CARTPT: variants seen among roughly 807,000 people sequenced by gnomAD.
CARTPT encodes the protein cocaine- and amphetamine-regulated transcript protein.
Under a neutral mutation model 12.2 loss-of-function variants are expected in CARTPT, and 6 were observed. The observed-to-expected ratio is 0.49, with a 90% CI of 0.27 to 0.97. The LOEUF is 0.97. CARTPT is among the 50% of genes least tolerant of loss of function. The probability of loss-of-function intolerance (pLI) is 0.12; values close to 1 mark genes in which losing one functional copy is unlikely to be tolerated. For synonymous variants in CARTPT, 75 were observed against 64.1 expected (o/e 1.17, Z -0.82); for missense variants, 135 against 142.0 (o/e 0.95, Z 0.25).
intron 2 of CARTPT, 131 bp from the exon 3 acceptor site, chr5:71,720,377 G>A (rs952326608): frequency 1.2e-4 from 90 of 767,534 alleles, no homozygotes; most frequent in Non-Finnish European, 1.9e-4. Flanking sequence ...CTGACTGTAC[G>A]TAGACCTCTT....
In CARTPT at chr5:71,720,750, C is replaced by A. The variant is rs1748692941; in HGVS notation, c.*135C>A. ...CTGAAGGGAAAGGGCTCTTTTCCTGCTGTTTCAAAAATAAAAGAACACATT... is the reference window on the plus strand; with the variant it reads ...CTGAAGGGAAAGGGCTCTTTTCCTGATGTTTCAAAAATAAAAGAACACATT... On this transcript the variant is annotated 3_prime_UTR_variant, in exon 3 of 3. Coordinates refer to ENST00000296777, the MANE Select transcript of CARTPT (RefSeq NM_004291.4). 2 of 731,204 alleles carry A rather than the reference C, an allele frequency of 2.7e-6. No homozygotes were observed. Among genetic ancestry groups the A allele is most frequent in the Non-Finnish European group, 4.9e-6 (2 of 408,760 alleles). The allele number at this position is 731,204 out of a possible 1,614,324, so 45.3% of individuals were successfully genotyped here.
rs770450979 is a variant in CARTPT at position 71,719,980 on chromosome 5, C to T, written c.243+17C>T. 2 of 1,605,516 alleles carry T rather than the reference C, an allele frequency of 1.2e-6. No homozygotes were observed. Among genetic ancestry groups the T allele is most frequent in the African/African-American group, 1.3e-5 (1 of 74,784 alleles). On this transcript the variant is annotated intron_variant, in intron 2 of 2. Transcript: ENST00000296777. ...GTCCCCATGGTAAGGTTTGTGGTCACTCCCTTCCCGTGTTTTTCCAAGAGA... is the reference window on the plus strand; with the variant it reads ...GTCCCCATGGTAAGGTTTGTGGTCATTCCCTTCCCGTGTTTTTCCAAGAGA...
In CARTPT at chr5:71,720,795, A is replaced by G. The variant is rs888025580; in HGVS notation, c.*180A>G. 25 of 640,614 alleles carry G rather than the reference A, an allele frequency of 3.9e-5. No homozygotes were observed. Among genetic ancestry groups the G allele is most frequent in the Middle Eastern group, 2.8e-4 (1 of 3,560 alleles). The allele number at this position is 640,614 out of a possible 1,614,324, so 39.7% of individuals were successfully genotyped here. A position where few individuals can be genotyped will look rare whatever the true frequency, so the allele number is the denominator to read the frequency against. ...CACATTAGATGTTACTGTGTGAAGAATAATGCCTTGTATGGTGTTGATACG... is the reference window on the plus strand; with the variant it reads ...CACATTAGATGTTACTGTGTGAAGAGTAATGCCTTGTATGGTGTTGATACG... On this transcript the variant is annotated 3_prime_UTR_variant, in exon 3 of 3. Transcript: ENST00000296777.
chr5:71,719,822 C>T, intron 1 of CARTPT, 58 bp from the exon 2 acceptor site: 1 of 1,545,538 alleles, frequency 6.5e-7, no homozygotes, highest in African/African-American at 1.4e-5. Flanking sequence ...GAAGTGCGCA[C>T]CTGGGCTGGG....
chr5:71,719,811 G>A, intron 1 of CARTPT, 69 bp from the exon 2 acceptor site: 1 of 1,439,878 alleles, frequency 6.9e-7, no homozygotes, highest in East Asian at 2.3e-5. Context: ...AACTAGGGCT[G>A]GAAGTGCGCA....
chr5:71,720,459 G>A, intron 2 of CARTPT, 49 bp from the exon 3 acceptor site: 1 of 1,536,310 alleles, frequency 6.5e-7, no homozygotes, highest in Non-Finnish European at 8.9e-7. Context: ...TTGCCTGTTG[G>A]GAACCTGGGT....
chr5:71,720,480 T>C, intron 2 of CARTPT, 28 bp from the exon 3 acceptor site: 1 of 1,590,212 alleles, frequency 6.3e-7, no homozygotes, highest in South Asian at 1.1e-5. Context: ...TTGTTCATAC[T>C]CGATGACCAC....
rs1310089775 is a variant in CARTPT at position 71,719,922 on chromosome 5, C to G, written c.202C>G (p.Arg68Gly). 13 of 1,614,080 alleles carry G rather than the reference C, an allele frequency of 8.1e-6. No homozygotes were observed. The highest frequency in any genetic ancestry group is 1.3e-5 in the African/African-American group (1 of 74,930). ...QEVLKKLKSK[R>G]VPIYEKKYGQ... is the part of the protein sequence containing the mutation. ...AGTCTTGAAGAAGCTCAAGAGTAAA[C>G]GTGTTCCCATCTATGAGAAGAAGTA... The change falls in exon 2 of 3, where the codon CGT becomes GGT. Residue 68 changes from arginine to glycine, a missense_variant. By Grantham distance (125) the Arg-to-Gly change is moderately radical (BLOSUM62 -2). Coordinates refer to ENST00000296777, the MANE Select transcript of CARTPT (RefSeq NM_004291.4).
At chr5:71,720,036 C>G (rs972322934) in intron 2 of CARTPT, 73 bp downstream of exon 2, 70 of 1,307,616 alleles carry the variant, frequency 5.4e-5, no homozygotes, top group Non-Finnish European at 6.8e-5. Flanking sequence ...TACACACAGT[C>G]TTCTCCGTAG....
At position 71,719,361 on chromosome 5, in the gene CARTPT, T is replaced by C; in HGVS notation, c.68T>C (p.Leu23Ser). The C allele has an allele frequency of 1.2e-6, 2 of 1,614,068 alleles. No homozygotes were observed. Among genetic ancestry groups the C allele is most frequent in the Non-Finnish European group, 8.5e-7 (1 of 1,180,012 alleles). ...GCCCTGCTGCTGATGCTACCTCTGT[T>C]GGGTACCCGTGCCCAGGAGGACGCC... ...GAALLLMLPL[L>S]GTRAQEDAEL... Residue 23 changes from leucine (L) to serine (S), a missense_variant, in exon 1 of 3, where the codon TTG becomes TCG. Coordinates refer to ENST00000296777, the MANE Select transcript of CARTPT (RefSeq NM_004291.4).
At position 71,719,851 on chromosome 5, in the gene CARTPT, A is replaced by G. The variant is rs376467588; in HGVS notation, c.160-29A>G. On this transcript the variant is annotated intron_variant, in intron 1 of 2. Coordinates refer to ENST00000296777, the MANE Select transcript of CARTPT (RefSeq NM_004291.4). Reference sequence around the variant, plus strand: ...GGCTGGGCTCGCAGCCAAGGCGGCAACTTCAGGCTCCGAAGCGGTGTGTTG... The same window carrying G: ...GGCTGGGCTCGCAGCCAAGGCGGCAGCTTCAGGCTCCGAAGCGGTGTGTTG... The G allele has an allele frequency of 4.9e-5, 79 of 1,612,350 alleles. No individual in the cohort carries two copies. In the African/African-American group the frequency reaches 8.1e-4, roughly 17 times the overall value.
Position 71,719,315 on chromosome 5 carries a change from C to T in CARTPT, c.22C>T (p.Leu8=), listed in dbSNP as rs1748654034. Residue 8 remains leucine (L), a synonymous_variant, in exon 1 of 3, where the codon CTG becomes TTG. Coordinates refer to ENST00000296777, the MANE Select transcript of CARTPT (RefSeq NM_004291.4). ...AACGATGGAGAGCTCCCGCGTGAGG[C>T]TGCTGCCCCTCCTGGGCGCCGCCCT... is the stretch of plus-strand genomic sequence containing the variant. MESSRVR[L]LPLLGAALLL... is the part of the protein sequence containing the mutation. The T allele has an allele frequency of 1.2e-6, 2 of 1,612,966 alleles. No individual in the cohort carries two copies. Among genetic ancestry groups the T allele is most frequent in the South Asian group, 1.1e-5 (1 of 91,068 alleles).
rs761748440 is a variant in CARTPT, at chr5:71,720,542, G to A, written c.278G>A (p.Gly93Glu). 17 of 1,613,314 alleles carry A rather than the reference G, an allele frequency of 1.1e-5. No individual in the cohort carries two copies. The highest frequency in any genetic ancestry group is 6.7e-5 in the East Asian group (3 of 44,866). The change falls in exon 3 of 3, where the codon GGG becomes GAG. Residue 93 changes from glycine to glutamate, a missense_variant. Gly to Glu is a moderately conservative substitution (Grantham distance 98, BLOSUM62 -2). Coordinates refer to ENST00000296777, the MANE Select transcript of CARTPT (RefSeq NM_004291.4). ...DAGEQCAVRKGARIGKLCDCP... is the reference protein window; with the variant it reads ...DAGEQCAVRKEARIGKLCDCP... ...GGTGAGCAGTGTGCAGTGAGGAAAGGGGCAAGGATCGGGAAGCTGTGTGAC... is the reference window on the plus strand; with the variant it reads ...GGTGAGCAGTGTGCAGTGAGGAAAGAGGCAAGGATCGGGAAGCTGTGTGAC...
chr5:71,720,513 C>A lies in CARTPT; in HGVS notation c.249C>A (p.Asp83Glu). 1.2e-6 allele frequency: 2 copies of A among 1,611,648 alleles called. No homozygotes were observed. The highest frequency in any genetic ancestry group is 1.7e-6 in the Non-Finnish European group (2 of 1,179,174). Residue 83 changes from aspartate to glutamate, a missense_variant, in exon 3 of 3, where the codon GAC (aspartate) becomes GAA (glutamate). Physicochemically the swap from Asp to Glu is conservative, Grantham distance 45. Coordinates refer to ENST00000296777, the MANE Select transcript of CARTPT (RefSeq NM_004291.4). ...CACACATTTTGTTGTTTCAGTGTGA[C>A]GCCGGTGAGCAGTGTGCAGTGAGGA... ...EKKYGQVPMC[D>E]AGEQCAVRKG...
chr5:71,720,550 A>T lies in CARTPT; in HGVS notation c.286A>T (p.Ile96Phe). Residue 96 changes from isoleucine (I) to phenylalanine (F), a missense_variant, in exon 3 of 3, where the codon ATC becomes TTC. Coordinates refer to ENST00000296777, the MANE Select transcript of CARTPT (RefSeq NM_004291.4). ...GTGTGCAGTGAGGAAAGGGGCAAGG[A>T]TCGGGAAGCTGTGTGACTGTCCCCG... is the stretch of plus-strand genomic sequence containing the variant. ...EQCAVRKGARIGKLCDCPRGT... is the reference protein window; with the variant it reads ...EQCAVRKGARFGKLCDCPRGT... The T allele has an allele frequency of 1.2e-6, 2 of 1,613,378 alleles. No homozygotes were observed. The highest frequency in any genetic ancestry group is 1.7e-6 in the Non-Finnish European group (2 of 1,179,834).
In CARTPT at chr5:71,720,525, G is replaced by C; in HGVS notation, c.261G>C (p.Gln87His). The change falls in exon 3 of 3, where the codon CAG becomes CAC. Residue 87 changes from glutamine to histidine, a missense_variant. By Grantham distance (24) the Gln-to-His change is conservative. Transcript: ENST00000296777. The part of the protein sequence containing the change: ...GQVPMCDAGE[Q>H]CAVRKGARIG... ...TGTTTCAGTGTGACGCCGGTGAGCAGTGTGCAGTGAGGAAAGGGGCAAGGA... is the reference window on the plus strand; with the variant it reads ...TGTTTCAGTGTGACGCCGGTGAGCACTGTGCAGTGAGGAAAGGGGCAAGGA... The C allele has an allele frequency of 6.2e-7, 1 of 1,612,894 alleles. No homozygotes were observed. The highest frequency in any genetic ancestry group is 8.5e-7 in the Non-Finnish European group (1 of 1,179,650).
At chr5:71,720,149 A>C (rs1306333481) in intron 2 of CARTPT, among the ~76,000 whole-genome samples, 186 bp downstream of exon 2, 1 of 152,092 alleles carries the variant, frequency 6.6e-6, no homozygotes, top group African/African-American at 2.4e-5. Context: ...GTTGTAAGAA[A>C]GTGTAAGTCT....
At position 71,720,305 on chromosome 5, in the gene CARTPT, T is replaced by A. The variant is rs144788260; in HGVS notation, c.244-203T>A. Among the ~76,000 whole-genome samples the A allele has an allele frequency of 4.1e-3, 618 of 152,268 alleles. 5 individuals carry two copies. Among genetic ancestry groups the A allele is most frequent in the African/African-American group, 0.015 (603 of 41,544 alleles). The stretch of plus-strand genomic sequence containing the variant: ...AGAAACTAGGATAAAACTAATAATG[T>A]AAGTTTCTTTAAAAAATGTACTCTC... On this transcript the variant is annotated intron_variant, in intron 2 of 2. Transcript: ENST00000296777.
intron 2 of CARTPT, 45 bp from the exon 3 acceptor site, chr5:71,720,463 C>G (rs1340983945): frequency 6.5e-7 from 1 of 1,549,530 alleles, no homozygotes; most frequent in Non-Finnish European, 8.8e-7. Flanking sequence ...CTGTTGGGAA[C>G]CTGGGTTTGT....
Sources: allele counts gnomAD v4.1 joint callset (sites outside exome capture counted in the v4.1 genomes callset), GRCh38; gene constraint gnomAD v4.1.1; transcripts MANE v1.5; gene names NCBI Gene and HGNC (gene_info 2026-07-23, HGNC 2026-07-21).